The following ST7 variants were observed in gnomAD, a reference collection of about 807,000 sequenced individuals.
ST7 encodes suppression of tumorigenicity 7, also known as suppressor of tumorigenicity 7 protein.
In ST7, 28 loss-of-function variants were observed where a neutral mutation model predicts 78.7. That is an observed-to-expected ratio of 0.36 (90% CI 0.26 to 0.49). The LOEUF (loss-of-function observed/expected upper bound fraction) is 0.49, where lower values mean the gene tolerates loss of function less well. Ranked by LOEUF, ST7 falls within the 20% of genes least tolerant of loss-of-function variation. The pLI is 0.99. For missense variants in ST7, 418 were observed against 696.0 expected (o/e 0.60, Z 4.49); for synonymous variants, 247 against 249.6 (o/e 0.99, Z 0.10).
intron 1 of ST7, among the ~76,000 whole-genome samples, chr7:116,984,960 A>G (rs754987776): frequency 5.3e-5 from 8 of 152,178 alleles, no homozygotes; most frequent in Non-Finnish European, 8.8e-5. Context: ...TTGGCAGGTA[A>G]TTTAGCTGTA....
chr7:117,191,201 AAAG>A (rs1809743114), intron 12 of ST7, among the ~76,000 whole-genome samples: 1 of 152,172 alleles, frequency 6.6e-6, no homozygotes, highest in African/African-American at 2.4e-5. Flanking sequence ...AAATTGGCAA[AAAG>A]TAGATATCCC....
intron 9 of ST7, among the ~76,000 whole-genome samples, chr7:117,152,587 G>C (rs754670788): frequency 2.6e-5 from 4 of 151,998 alleles, no homozygotes; most frequent in African/African-American, 9.7e-5. Context: ...TCTCTCCTTC[G>C]ACACCATTTT....
intron 1 of ST7, among the ~76,000 whole-genome samples, chr7:117,070,214 G>A (rs1798855638): frequency 2.0e-5 from 3 of 152,214 alleles, no homozygotes; most frequent in African/African-American, 7.2e-5. Flanking sequence ...TACTCTGAGT[G>A]TTGTGAAAAG....
intron 1 of ST7, chr7:117,020,426 A>G (rs1795831571): frequency 2.0e-5 from 13 of 635,162 alleles, no homozygotes; most frequent in Admixed American, 6.3e-5. Flanking sequence ...AGAAAACTGA[A>G]GCTCGTAACA....
chr7:117,072,264 TC>T (rs1235255934), intron 1 of ST7: 1 of 152,250 alleles, frequency 6.6e-6, no homozygotes, highest in Non-Finnish European at 1.5e-5. Flanking sequence ...CAGGCCTTTT[TC>T]TGAAGTCATC....
chr7:117,116,056 T>C (rs757902670), intron 2 of ST7, among the ~76,000 whole-genome samples: 1 of 152,154 alleles, frequency 6.6e-6, no homozygotes, highest in Non-Finnish European at 1.5e-5. Context: ...AGCCCAGCTA[T>C]CTAGTTTAAA....
At chr7:117,090,777 G>A (rs1288001382) in intron 1 of ST7, 1 of 166,806 alleles carries the variant, frequency 6.0e-6, no homozygotes, top group East Asian at 1.9e-4. Flanking sequence ...CAAGTTTCCT[G>A]TAACTAAAAG....
intron 1 of ST7, among the ~76,000 whole-genome samples, chr7:117,035,772 T>C (rs1192961833): frequency 6.6e-6 from 1 of 152,200 alleles, no homozygotes; most frequent in Non-Finnish European, 1.5e-5. Flanking sequence ...TCCTCTTCTT[T>C]GGCATTGAAT....
chr7:116,961,751 TA>T (rs1271823354), intron 1 of ST7, among the ~76,000 whole-genome samples: 1 of 151,998 alleles, frequency 6.6e-6, no homozygotes, highest in Non-Finnish European at 1.5e-5. Context: ...GGGCTGAGAC[TA>T]TGGGGTTTTC....
intron 9 of ST7, among the ~76,000 whole-genome samples, chr7:117,141,668 CTTTTTTTCTTTTT>C (rs1269607912): frequency 6.6e-6 from 1 of 151,608 alleles, no homozygotes; most frequent in African/African-American, 2.4e-5. Context: ...TTTTTCTTTT[CTTTTTTTCTTTTT>C]CTTTTTTAAG....
chr7:117,052,470 A>G (rs1797835463), intron 1 of ST7, among the ~76,000 whole-genome samples: 1 of 152,216 alleles, frequency 6.6e-6, no homozygotes, highest in Admixed American at 6.5e-5. Flanking sequence ...CTCATCAGGT[A>G]TTATTCTTTT....
At chr7:117,148,034 C>G (rs982849211) in intron 9 of ST7, among the ~76,000 whole-genome samples, 8 of 152,100 alleles carry the variant, frequency 5.3e-5, no homozygotes, top group Admixed American at 6.6e-5. Flanking sequence ...TATGTATTTA[C>G]TAGTTTGAGC....
At chr7:116,955,577 C>T (rs1792424528) in intron 1 of ST7, among the ~76,000 whole-genome samples, 1 of 152,206 alleles carries the variant, frequency 6.6e-6, no homozygotes, top group Non-Finnish European at 1.5e-5. Flanking sequence ...GATTTTCAAA[C>T]ACACTAGTTT....
intron 1 of ST7, among the ~76,000 whole-genome samples, chr7:117,001,286 T>C (rs948429611): frequency 6.6e-6 from 1 of 151,526 alleles, no homozygotes; most frequent in Admixed American, 6.6e-5. Context: ...TGTAGAAGAA[T>C]GTATGTATTT....
intron 12 of ST7, among the ~76,000 whole-genome samples, chr7:117,195,758 T>C (rs2117437524): frequency 6.6e-6 from 1 of 152,294 alleles, no homozygotes; most frequent in South Asian, 2.1e-4. Context: ...TCTCCCACTA[T>C]ACATGGGGAT....
At chr7:117,054,671 T>C (rs1271764598) in intron 1 of ST7, among the ~76,000 whole-genome samples, 2 of 152,234 alleles carry the variant, frequency 1.3e-5, no homozygotes, top group Non-Finnish European at 2.9e-5. Flanking sequence ...ATGACAAATA[T>C]GTCTTCATGG....
chr7:116,959,504 T>C (rs544690200), intron 1 of ST7: 4 of 291,022 alleles, frequency 1.4e-5, no homozygotes, highest in South Asian at 3.3e-5. Flanking sequence ...ACTGGATGAA[T>C]GAATATCCAA....
intron 1 of ST7, among the ~76,000 whole-genome samples, chr7:117,066,733 C>G (rs1050042849): frequency 9.6e-5 from 14 of 146,044 alleles, no homozygotes; most frequent in Admixed American, 2.1e-4. Flanking sequence ...TGCACTCCAG[C>G]CTGGGCAACA....
intron 9 of ST7, among the ~76,000 whole-genome samples, chr7:117,143,730 G>T (rs1805519377): frequency 6.6e-6 from 1 of 152,136 alleles, no homozygotes; most frequent in African/African-American, 2.4e-5. Context: ...CACCTCACAG[G>T]GTAGATGTCA....
Sources: gnomAD v4.1 joint callset for allele counts (sites outside exome capture counted in the v4.1 genomes callset) on GRCh38, gnomAD v4.1.1 for gene constraint, MANE v1.5 for transcripts, NCBI Gene and HGNC (gene_info 2026-07-23, HGNC 2026-07-21) for gene names.